The following AS3MT variants were observed in gnomAD, a reference collection of about 807,000 sequenced individuals.
AS3MT encodes the protein S-adenosyl-L-methionine:arsenic(III) methyltransferase.
AS3MT carries 47 observed loss-of-function variants against 45.3 expected under a neutral mutation model. The ratio of observed to expected loss-of-function variants is 1.04; its 90% CI spans 0.82 to 1.32. AS3MT has a LOEUF of 1.32. AS3MT is among the 40% of genes most tolerant of loss of function. The pLI, the probability that AS3MT is intolerant of heterozygous loss-of-function variation, is 0.00. For missense variants in AS3MT, 396 were observed against 451.1 expected (o/e 0.88, Z 1.11); for synonymous variants, 141 against 152.8 (o/e 0.92, Z 0.57).
chr10:102,897,504 C>G (rs1283772361), intron 10 of AS3MT, among the ~76,000 whole-genome samples: 4 of 150,040 alleles, frequency 2.7e-5, no homozygotes, highest in Admixed American at 6.6e-5. Flanking sequence ...GAGTCTCGCT[C>G]TGTCACCCAG....
rs1844634839 is a variant in AS3MT at position 102,869,482 on chromosome 10, T to A, written c.-111T>A. On this transcript the variant is annotated 5_prime_UTR_variant, in exon 1 of 11. Coordinates refer to ENST00000369880, the MANE Select transcript of AS3MT (RefSeq NM_020682.4). ...GCGGGGCCTCGGCACAGGAGCTGGCTGCGGGAGCCCGCCGTCCTGAGTCGC... is the reference window on the plus strand; with the variant it reads ...GCGGGGCCTCGGCACAGGAGCTGGCAGCGGGAGCCCGCCGTCCTGAGTCGC... 6 of 1,532,350 alleles carry A rather than the reference T, an allele frequency of 3.9e-6. No homozygotes were observed. Among genetic ancestry groups the A allele is most frequent in the Non-Finnish European group, 2.6e-6 (3 of 1,146,904 alleles). The allele number at this position is 1,532,350 out of a possible 1,614,324, so 94.9% of individuals were successfully genotyped here.
In AS3MT at chr10:102,869,858, G is replaced by A. The variant is rs1844647265; in HGVS notation, c.42+13G>A. 6.2e-7 allele frequency: 1 copy of A among 1,613,750 alleles called. No individual in the cohort carries two copies. Among genetic ancestry groups the A allele is most frequent in the East Asian group, 2.2e-5 (1 of 44,884 alleles). On this transcript the variant is annotated intron_variant, in intron 2 of 10. Transcript: ENST00000369880. ...GAAGGACGTGCAGGTGAGAGCTGTA[G>A]GGCCTGGAATGGCCCAAGTGGAGCC...
Position 102,874,685 on chromosome 10 carries a change from T to G in AS3MT, c.528+24T>G, listed in dbSNP as rs547029323. On this transcript the variant is annotated intron_variant, in intron 6 of 10. Transcript: ENST00000369880. ...AGGTGAGGAGGAGAGTGAGATAAAT[T>G]ATCTTTGAACATCAGTAAGAGCTGA... is the stretch of plus-strand genomic sequence containing the variant. 1.6e-5 allele frequency: 25 copies of G among 1,556,682 alleles called. No homozygotes were observed. In the South Asian group the frequency reaches 2.8e-4, roughly 17 times the overall value.
At chr10:102,888,867 A>ATTT (rs1564794449) in intron 9 of AS3MT, among the ~76,000 whole-genome samples, 3 of 88,650 alleles carry the variant, frequency 3.4e-5, no homozygotes, top group African/African-American at 4.9e-5. Context: ...ATATATATAT[A>ATTT]TATATATATA....
intron 10 of AS3MT, among the ~76,000 whole-genome samples, chr10:102,893,964 C>A (rs1351212615): frequency 6.6e-6 from 1 of 152,050 alleles, no homozygotes; most frequent in Non-Finnish European, 1.5e-5. Flanking sequence ...CGCTATGTGT[C>A]TTTTGGCTCT....
chr10:102,876,865 T>A lies in AS3MT; in HGVS notation c.529-89T>A, dbSNP rs894203244. The A allele has an allele frequency of 3.9e-6, 5 of 1,293,612 alleles. No individual in the cohort carries two copies. The African/African-American group carries it at 7.4e-5, about 19-fold the overall frequency. 80.1% of individuals were successfully genotyped at this position (1,293,612 alleles called of 1,614,324 possible). A position where few individuals can be genotyped will look rare whatever the true frequency, so the allele number is the denominator to read the frequency against. ...TAAACATTGCTATTGATTTTTAAAT[T>A]TGATTTTGTTCCCCTATTCCTTTCT... On this transcript the variant is annotated intron_variant, in intron 6 of 10. Coordinates refer to ENST00000369880, the MANE Select transcript of AS3MT (RefSeq NM_020682.4).
At chr10:102,873,460 T>G (rs918405049) in intron 5 of AS3MT, among the ~76,000 whole-genome samples, 4 of 152,018 alleles carry the variant, frequency 2.6e-5, no homozygotes, top group African/African-American at 9.7e-5. Flanking sequence ...TTTTAAATCT[T>G]CTTTTAGTAG....
chr10:102,898,367 G>A (rs1019012871), intron 10 of AS3MT, among the ~76,000 whole-genome samples: 3 of 151,780 alleles, frequency 2.0e-5, no homozygotes, highest in Non-Finnish European at 2.9e-5. Context: ...AGGCTGAGGC[G>A]GGTGGATCAC....
At chr10:102,885,338 TA>T (rs374385994) in intron 9 of AS3MT, among the ~76,000 whole-genome samples, 1,665 of 151,866 alleles carry the variant, frequency 0.011, 30 homozygotes, top group African/African-American at 0.035. Flanking sequence ...TATTTTATTT[TA>T]TTTTTTTGAG....
In AS3MT at chr10:102,873,114, G is replaced by C; in HGVS notation, c.339G>C (p.Lys113Asn). The stretch of plus-strand genomic sequence containing the variant: ...TACTTTAGGTGGAAGTGGCTGAAAA[G>C]TATCTTGACTATCACATGGAAAAAT... ...MTKGQVEVAE[K>N]YLDYHMEKYG... Residue 113 changes from lysine (K) to asparagine (N), a missense_variant, in exon 5 of 11, where the codon AAG becomes AAC. Transcript: ENST00000369880. 2.5e-6 allele frequency: 4 copies of C among 1,591,994 alleles called. No homozygotes were observed. The highest frequency in any genetic ancestry group is 3.4e-6 in the Non-Finnish European group (4 of 1,173,966).
chr10:102,887,392 T>C (rs1844975376), intron 9 of AS3MT, among the ~76,000 whole-genome samples: 2 of 152,200 alleles, frequency 1.3e-5, no homozygotes, highest in Admixed American at 1.3e-4. Flanking sequence ...GTCTGGATGA[T>C]CTGTTTTACT....
intron 9 of AS3MT, among the ~76,000 whole-genome samples, chr10:102,883,711 C>G (rs1844903114): frequency 6.6e-6 from 1 of 151,846 alleles, no homozygotes; most frequent in East Asian, 2.0e-4. Context: ...AAGACTTCAT[C>G]TCAAAAACAA....
At chr10:102,888,866 TATATATATATA>T (rs1845004732) in intron 9 of AS3MT, among the ~76,000 whole-genome samples, 2 of 90,226 alleles carry the variant, frequency 2.2e-5, no homozygotes, top group African/African-American at 4.8e-5. Context: ...TATATATATA[TATATATATATA>T]TATATTTTTT....
chr10:102,880,515 A>G (rs1345343804), intron 9 of AS3MT, among the ~76,000 whole-genome samples: 1 of 152,174 alleles, frequency 6.6e-6, no homozygotes, highest in East Asian at 1.9e-4. Context: ...CAGTTTTTCA[A>G]CATTAGAATT....
rs568180395 is a variant in AS3MT at position 102,876,838 on chromosome 10, C to T, written c.529-116C>T. ...CTGCTATTTGTTCACAAAGGGTCAG[C>T]TTAAACATTGCTATTGATTTTTAAA... On this transcript the variant is annotated intron_variant, in intron 6 of 10. Transcript: ENST00000369880. The T allele has an allele frequency of 3.9e-6, 4 of 1,036,228 alleles. No individual in the cohort carries two copies. The East Asian group carries it at 7.2e-5, about 19-fold the overall frequency. 64.2% of individuals were successfully genotyped at this position (1,036,228 alleles called of 1,614,324 possible).
chr10:102,879,064 CTT>C (rs1844833712), intron 9 of AS3MT, 73 bp downstream of exon 9: 2 of 1,466,936 alleles, frequency 1.4e-6, no homozygotes, highest in Non-Finnish European at 1.9e-6. Flanking sequence ...CTTTTCTTGA[CTT>C]TGCATTGCCT....
intron 9 of AS3MT, among the ~76,000 whole-genome samples, chr10:102,882,561 C>T (rs1844881165): frequency 6.6e-6 from 1 of 152,054 alleles, no homozygotes; most frequent in Non-Finnish European, 1.5e-5. Flanking sequence ...GGGACTACAT[C>T]TGGCTAAGCA....
chr10:102,890,503 A>C, intron 9 of AS3MT, 41 bp from the exon 10 acceptor site: 1 of 1,525,062 alleles, frequency 6.6e-7, no homozygotes, highest in East Asian at 2.3e-5. Context: ...ATTGAGACTA[A>C]AGTTGCAACT....
At chr10:102,870,332 G>C in intron 3 of AS3MT, 121 bp downstream of exon 3, 2 of 1,306,052 alleles carry the variant, frequency 1.5e-6, no homozygotes, top group Non-Finnish European at 2.1e-6. Context: ...CTTGTCTATT[G>C]TAAAAATCCT....
Sources: gnomAD v4.1 joint callset for allele counts (sites outside exome capture counted in the v4.1 genomes callset) on GRCh38, gnomAD v4.1.1 for gene constraint, MANE v1.5 for transcripts, NCBI Gene and HGNC (gene_info 2026-07-23, HGNC 2026-07-21) for gene names.